Variants in TUBGCP6 observed in about 807,000 individuals in gnomAD.
The protein encoded by TUBGCP6 is gamma-tubulin complex component 6.
TUBGCP6 carries 161 observed loss-of-function variants against 175.8 expected under a neutral mutation model. The observed-to-expected ratio is 0.92, with a 90% CI of 0.81 to 1.04. The LOEUF is 1.04. Ranked by LOEUF, TUBGCP6 falls within the 50% of genes least tolerant of loss-of-function variation. The pLI is 0.00. For missense variants in TUBGCP6, 2,572 were observed against 2,433.0 expected, an observed-to-expected ratio of 1.06 and a Z score of -1.20; for synonymous variants, 1,173 against 1,030.5, an observed-to-expected ratio of 1.14 and a Z score of -2.65.
Position 50,224,403 on chromosome 22 carries a change from G to A in TUBGCP6, c.2083C>T (p.Arg695Trp), listed in dbSNP as rs771442117. 37 of 1,614,026 alleles carry A rather than the reference G, an allele frequency of 2.3e-5. No individual in the cohort carries two copies. Among genetic ancestry groups the A allele is most frequent in the Non-Finnish European group, 2.7e-5 (32 of 1,180,042 alleles). Residue 695 changes from arginine to tryptophan, a missense_variant, in exon 12 of 25, where the codon CGG (arginine) becomes TGG (tryptophan). Physicochemically the swap from Arg to Trp is moderately radical, Grantham distance 101. Coordinates refer to ENST00000248846, the MANE Select transcript of TUBGCP6 (RefSeq NM_020461.4). The part of the protein sequence containing the change: ...SALSDRQMSE[R>W]MALDARKREQ... ...CGCTTCCGGGCATCCAAGGCCATCC[G>A]TTCTGACATCTGCCGGTCTACATTG...
Position 50,226,055 on chromosome 22 carries a change from G to A in TUBGCP6, c.1828C>T (p.Pro610Ser), listed in dbSNP as rs1447227839. ...ACACATGAGCCCCTCCTCACCCGGG[G>A]GCAGCAGAGCTTCAGCAGGTTAATG... ...KTINLLKLCC[P>S]RHYLCWSDVP... Residue 610 changes from proline (P) to serine (S), a missense_variant, in exon 9 of 25, where the codon CCC (proline) becomes TCC (serine). By Grantham distance (74) the Pro-to-Ser change is moderately conservative (BLOSUM62 -1). Coordinates refer to ENST00000248846, the MANE Select transcript of TUBGCP6 (RefSeq NM_020461.4). 6.2e-6 allele frequency: 10 copies of A among 1,614,152 alleles called. No individual in the cohort carries two copies. Among genetic ancestry groups the A allele is most frequent in the South Asian group, 1.1e-5 (1 of 91,088 alleles).
intron 5 of TUBGCP6, among the ~76,000 whole-genome samples, chr22:50,227,681 G>A (rs889775529): frequency 1.3e-5 from 2 of 152,204 alleles, no homozygotes; most frequent in African/African-American, 4.8e-5. Context: ...GGAGCCACCG[G>A]ACCTGGAGGG....
chr22:50,235,976 C>T (rs1237212923), intron 2 of TUBGCP6, among the ~76,000 whole-genome samples: 3 of 150,896 alleles, frequency 2.0e-5, no homozygotes, highest in African/African-American at 7.3e-5. Flanking sequence ...GAATGGGGAG[C>T]TGTTTAATGG....
chr22:50,217,743 T>TCCTGGTAGTAGTTGTTGA lies in TUBGCP6; in HGVS notation c.5435_5452dup (p.Gln1817_Asp1818insValAsnAsnTyrTyrGln), dbSNP rs1269815706. ...GTCCCCCGCAGAGCAGCCTCAGGCG[T>TCCTGGTAGTAGTTGTTGA]CCTGGTAGTAGTTGTTGAAGTTGAT... is the stretch of plus-strand genomic sequence containing the variant. On this transcript the variant is annotated inframe_insertion, in exon 25 of 25. Coordinates refer to ENST00000248846, the MANE Select transcript of TUBGCP6 (RefSeq NM_020461.4). 1 of 1,613,888 alleles carries TCCTGGTAGTAGTTGTTGA rather than the reference T, an allele frequency of 6.2e-7. No homozygotes were observed. The highest frequency in any genetic ancestry group is 8.5e-7 in the Non-Finnish European group (1 of 1,179,962).
intron 3 of TUBGCP6, among the ~76,000 whole-genome samples, chr22:50,231,081 CAA>C (rs35669469): frequency 0.01 from 230 of 22,772 alleles, 1 homozygote; most frequent in African/African-American, 0.033. Context: ...GACTCTATCT[CAA>C]AAAAAAAAAA....
In TUBGCP6 at chr22:50,244,371, C is replaced by T. The variant is rs148626062; in HGVS notation, c.89G>A (p.Arg30Gln). ...CTTGAGGCTCCGCTTTGCCCTCTTC[C>T]GGTTCACACTGCGCTGGCCCAGGTG... The part of the protein sequence containing the change: ...KTHLGQRSVN[R>Q]KRAKRSLKKV... Residue 30 changes from arginine (R) to glutamine (Q), a missense_variant, in exon 1 of 25, where the codon CGG (arginine) becomes CAG (glutamine). Coordinates refer to ENST00000248846, the MANE Select transcript of TUBGCP6 (RefSeq NM_020461.4). The T allele has an allele frequency of 3.8e-4, 614 of 1,613,362 alleles. 2 individuals carry two copies. The African/African-American group carries it at 6.8e-3, about 18-fold the overall frequency.
At chr22:50,227,454 C>G (rs934593788) in intron 5 of TUBGCP6, among the ~76,000 whole-genome samples, 2 of 152,174 alleles carry the variant, frequency 1.3e-5, no homozygotes, top group African/African-American at 4.8e-5. Context: ...AGCCCAGCTC[C>G]CCTGCCCCAC....
At position 50,221,755 on chromosome 22, in the gene TUBGCP6, G is replaced by A. The variant is rs201524363; in HGVS notation, c.2604C>T (p.Pro868=). 2.8e-5 allele frequency: 43 copies of A among 1,515,752 alleles called. No individual in the cohort carries two copies. Among genetic ancestry groups the A allele is most frequent in the Non-Finnish European group, 3.5e-5 (40 of 1,132,958 alleles). The allele number at this position is 1,515,752 out of a possible 1,614,324, so 93.9% of individuals were successfully genotyped here. Residue 868 remains proline (P), a synonymous_variant, in exon 16 of 25, where the codon CCC becomes CCT. Coordinates refer to ENST00000248846, the MANE Select transcript of TUBGCP6 (RefSeq NM_020461.4). ...WNRPGLLTPQ[P]LKPLAVGAGG... ...CAGCCCCCACTGCTAGAGGCTTAAG[G>A]GGCTGTGGGGTCAGCAGGCCTGGCC...
intron 24 of TUBGCP6, 44 bp downstream of exon 24, chr22:50,217,874 C>CGCCCTG: frequency 6.2e-7 from 1 of 1,606,694 alleles, no homozygotes; most frequent in Non-Finnish European, 8.5e-7. Flanking sequence ...GTGTGAGCCC[C>CGCCCTG]GCCCTGGCCC....
rs764568631 is a variant in TUBGCP6 at position 50,220,890 on chromosome 22, G to A, written c.3469C>T (p.Arg1157Trp). The part of the protein sequence containing the change: ...NVSDVAPTRP[R>W]WNTHGHVSDA... ...GACACGTGTCCATGGGTGTTCCACC[G>A]TGGCCGGGTGGGAGCCACGTCCGAC... is the stretch of plus-strand genomic sequence containing the variant. The change falls in exon 16 of 25, where the codon CGG (arginine) becomes TGG (tryptophan). Residue 1157 changes from arginine to tryptophan, a missense_variant. Arg to Trp is a moderately radical substitution (Grantham distance 101, BLOSUM62 -3). Transcript: ENST00000248846. 3.3e-5 allele frequency: 54 copies of A among 1,612,658 alleles called. No individual in the cohort carries two copies. The highest frequency in any genetic ancestry group is 5.4e-5 in the African/African-American group (4 of 74,514).
Position 50,227,000 on chromosome 22 carries a change from G to A in TUBGCP6, c.1490C>T (p.Thr497Ile), listed in dbSNP as rs765274070. The change falls in exon 6 of 25, where the codon ACC becomes ATC. Residue 497 changes from threonine to isoleucine, a missense_variant and splice_region_variant. Thr to Ile is a moderately conservative substitution (Grantham distance 89). Transcript: ENST00000248846. ...ACTCGGCAGGGACGCACAACTCACG[G>A]TGGGAAACGCGGCCCTGGGGCCTCC... ...CGGGPRAAFPTGVKLLSYLYQ... is the reference protein window; with the variant it reads ...CGGGPRAAFPIGVKLLSYLYQ... The A allele has an allele frequency of 3.1e-6, 5 of 1,611,650 alleles. No homozygotes were observed. Among genetic ancestry groups the A allele is most frequent in the Non-Finnish European group, 4.2e-6 (5 of 1,179,352 alleles).
chr22:50,224,109 C>T (rs564552165), intron 13 of TUBGCP6, 32 bp downstream of exon 13: 2 of 1,601,934 alleles, frequency 1.2e-6, no homozygotes, highest in East Asian at 2.2e-5. Context: ...TGCCGCACTG[C>T]ACCCCTGGGC....
intron 2 of TUBGCP6, among the ~76,000 whole-genome samples, chr22:50,239,334 G>A (rs1156688569): frequency 1.3e-5 from 2 of 152,002 alleles, no homozygotes; most frequent in African/African-American, 2.4e-5. Context: ...GCACCACCAC[G>A]CCCAGCTAAT....
intron 13 of TUBGCP6, chr22:50,222,888 G>A: frequency 2.7e-6 from 1 of 366,606 alleles, no homozygotes; most frequent in Non-Finnish European, 5.0e-6. Context: ...AGCAAGGGGT[G>A]AGCAGGAGGC....
chr22:50,222,016 T>A lies in TUBGCP6; in HGVS notation c.2484+12A>T. On this transcript the variant is annotated intron_variant, in intron 15 of 24. Coordinates refer to ENST00000248846, the MANE Select transcript of TUBGCP6 (RefSeq NM_020461.4). ...AACCATAGGGCACCCTGGGTTCCAC[T>A]CTGCCGCTTACCTGGGGGTGCACGC... The A allele has an allele frequency of 6.2e-7, 1 of 1,613,710 alleles. No individual in the cohort carries two copies. Among genetic ancestry groups the A allele is most frequent in the Non-Finnish European group, 8.5e-7 (1 of 1,179,912 alleles).
At chr22:50,238,621 T>C (rs1190595523) in intron 2 of TUBGCP6, among the ~76,000 whole-genome samples, 1 of 144,500 alleles carries the variant, frequency 6.9e-6, no homozygotes. Flanking sequence ...CACTGCAAAC[T>C]CCGCCTCCCG....
At chr22:50,222,795 G>A (rs997390445) in intron 13 of TUBGCP6, among the ~76,000 whole-genome samples, 5 of 152,224 alleles carry the variant, frequency 3.3e-5, no homozygotes, top group Non-Finnish European at 5.9e-5. Flanking sequence ...TGCCAGGCTG[G>A]GAGACCCTGG....
Position 50,244,896 on chromosome 22 carries a change from C to G in TUBGCP6, c.-437G>C, listed in dbSNP as rs2064900832. On this transcript the variant is annotated 5_prime_UTR_variant, in exon 1 of 25. Coordinates refer to ENST00000248846, the MANE Select transcript of TUBGCP6 (RefSeq NM_020461.4). ...CCGAGGGTCGTGGGCAGCGGAGAGT[C>G]TGGGGGCTCAGCCGGGTGGGTCCCG... The G allele has an allele frequency of 4.7e-6, 1 of 212,772 alleles. No homozygotes were observed. Among genetic ancestry groups the G allele is most frequent in the Non-Finnish European group, 9.5e-6 (1 of 105,054 alleles). 13.2% of individuals were successfully genotyped at this position (212,772 alleles called of 1,614,324 possible).
At position 50,226,432 on chromosome 22, in the gene TUBGCP6, C is replaced by T. The variant is rs372501000; in HGVS notation, c.1602-54G>A. 202 of 1,458,880 alleles carry T rather than the reference C, an allele frequency of 1.4e-4. No homozygotes were observed. The African/African-American group carries it at 2.5e-3, about 18-fold the overall frequency. 90.4% of individuals were successfully genotyped at this position (1,458,880 alleles called of 1,614,324 possible). On this transcript the variant is annotated intron_variant, in intron 7 of 24. Coordinates refer to ENST00000248846, the MANE Select transcript of TUBGCP6 (RefSeq NM_020461.4). The stretch of plus-strand genomic sequence containing the variant: ...GTGGTCAACGGAGAGGTGGGTGGGG[C>T]GTGGCTGTCAGTGAGGGGTGGGACA...
Sources: gnomAD v4.1 joint callset for allele counts (sites outside exome capture counted in the v4.1 genomes callset) on GRCh38, gnomAD v4.1.1 for gene constraint, MANE v1.5 for transcripts, NCBI Gene and HGNC (gene_info 2026-07-23, HGNC 2026-07-21) for gene names.